The following FSIP1 variants were observed in gnomAD, a reference collection of about 807,000 sequenced individuals.
FSIP1 encodes the protein fibrous sheath-interacting protein 1.
FSIP1 carries 65 observed loss-of-function variants against 60.9 expected under a neutral mutation model. The observed-to-expected ratio is 1.07, with a 90% confidence interval of 0.87 to 1.31. The LOEUF (loss-of-function observed/expected upper bound fraction) is 1.31, where lower values mean the gene tolerates loss of function less well. FSIP1 is among the 40% of genes most tolerant of loss of function. FSIP1 has a pLI of 0.00. For synonymous variants in FSIP1, 209 were observed against 221.2 expected (o/e 0.94, Z 0.49); for missense variants, 675 against 665.5 (o/e 1.01, Z -0.16).
At chr15:39,668,714 G>T (rs1373431701) in intron 10 of FSIP1, among the ~76,000 whole-genome samples, 2 of 152,208 alleles carry the variant, frequency 1.3e-5, no homozygotes, top group Non-Finnish European at 2.9e-5. Context: ...GATCAGGTCA[G>T]TTGGAATCTA....
At chr15:39,712,602 T>C (rs906921139) in intron 10 of FSIP1, among the ~76,000 whole-genome samples, 3 of 152,224 alleles carry the variant, frequency 2.0e-5, no homozygotes, top group Non-Finnish European at 4.4e-5. Context: ...AAGGGGTTAC[T>C]GCAGGTAATT....
At chr15:39,638,097 C>T (rs1892209965) in intron 10 of FSIP1, among the ~76,000 whole-genome samples, 1 of 152,180 alleles carries the variant, frequency 6.6e-6, no homozygotes, top group Non-Finnish European at 1.5e-5. Context: ...TTTCTGCCCT[C>T]AATAAGGCTG....
At chr15:39,670,654 A>G (rs919693632) in intron 10 of FSIP1, among the ~76,000 whole-genome samples, 5 of 152,222 alleles carry the variant, frequency 3.3e-5, no homozygotes, top group African/African-American at 1.2e-4. Flanking sequence ...AGGCAGAAAC[A>G]GCTGCCAGGT....
chr15:39,634,774 G>A (rs188716488), intron 10 of FSIP1, among the ~76,000 whole-genome samples: 64 of 152,278 alleles, frequency 4.2e-4, no homozygotes, highest in Admixed American at 9.1e-4. Flanking sequence ...TCACTGTCAT[G>A]CGGACGCCAT....
intron 10 of FSIP1, among the ~76,000 whole-genome samples, chr15:39,691,911 G>C (rs1267571149): frequency 2.0e-5 from 3 of 152,154 alleles, no homozygotes; most frequent in Non-Finnish European, 4.4e-5. Flanking sequence ...GTGATAGATA[G>C]AGAATTTTAA....
chr15:39,646,668 C>A (rs1372520720), intron 10 of FSIP1, among the ~76,000 whole-genome samples: 1 of 149,326 alleles, frequency 6.7e-6, no homozygotes. Context: ...TGCATTCCAG[C>A]ATGGGATACA....
At chr15:39,638,517 G>A (rs1381687744) in intron 10 of FSIP1, among the ~76,000 whole-genome samples, 2 of 152,146 alleles carry the variant, frequency 1.3e-5, no homozygotes, top group South Asian at 2.1e-4. Flanking sequence ...AGAAACACAC[G>A]GCGATTTCTC....
intron 10 of FSIP1, among the ~76,000 whole-genome samples, chr15:39,658,377 G>A (rs2140448032): frequency 6.6e-6 from 1 of 151,394 alleles, no homozygotes; most frequent in African/African-American, 2.4e-5. Context: ...AGCCTCCTGA[G>A]TAGCTGGGAT....
intron 9 of FSIP1, among the ~76,000 whole-genome samples, chr15:39,723,899 G>A (rs1283742003): frequency 6.6e-6 from 1 of 152,198 alleles, no homozygotes; most frequent in Non-Finnish European, 1.5e-5. Context: ...TTCCTGCTTT[G>A]AAAATTCAAT....
chr15:39,710,410 A>G (rs980752011), intron 10 of FSIP1, among the ~76,000 whole-genome samples: 9 of 149,936 alleles, frequency 6.0e-5, no homozygotes, highest in African/African-American at 2.2e-4. Context: ...CTGCACTCCA[A>G]CTTGGGCGAC....
At chr15:39,697,417 T>C (rs527322349) in intron 10 of FSIP1, among the ~76,000 whole-genome samples, 2 of 152,300 alleles carry the variant, frequency 1.3e-5, no homozygotes, top group South Asian at 4.1e-4. Context: ...AAGAGTTAAA[T>C]ACCCTTCCAG....
intron 11 of FSIP1, among the ~76,000 whole-genome samples, chr15:39,604,783 C>A (rs1890763350): frequency 6.6e-6 from 1 of 152,142 alleles, no homozygotes; most frequent in Non-Finnish European, 1.5e-5. Context: ...CTGTTTGAGA[C>A]AAACAGAAAA....
At chr15:39,751,490 C>A (rs533374550) in intron 5 of FSIP1, among the ~76,000 whole-genome samples, 31 of 150,804 alleles carry the variant, frequency 2.1e-4, no homozygotes, top group African/African-American at 7.5e-4. Context: ...GGAGAACCTG[C>A]CTTTTGCCAC....
downstream of FSIP1, chr15:39,599,430 C>T (rs1890561846): frequency 6.6e-6 from 1 of 152,286 alleles, no homozygotes; most frequent in South Asian, 2.1e-4. Flanking sequence ...ACTATAAAGT[C>T]ATAAGCCCTT....
intron 10 of FSIP1, among the ~76,000 whole-genome samples, chr15:39,691,425 C>T (rs1276015875): frequency 6.6e-6 from 1 of 152,184 alleles, no homozygotes; most frequent in Non-Finnish European, 1.5e-5. Flanking sequence ...AGTGTGCCAG[C>T]AAGCACCATT....
chr15:39,759,710 G>C (rs1208748066), intron 5 of FSIP1, among the ~76,000 whole-genome samples: 1 of 152,144 alleles, frequency 6.6e-6, no homozygotes, highest in Non-Finnish European at 1.5e-5. Flanking sequence ...TCCCTCCAGA[G>C]GTTCTAGAGG....
Position 39,641,307 on chromosome 15 carries a change from C to T in FSIP1, c.1189-23062G>A, listed in dbSNP as rs545663950. 2.6e-5 allele frequency among the ~76,000 whole-genome samples: 4 copies of T among 152,230 alleles called. 1 individual carries two copies. In the Middle Eastern group the frequency reaches 0.014, roughly 518 times the overall value. ...CTCTACATCTGAGCTGTGGTGTCAG[C>T]ATATTACCCACCACTAGAGCACAAA... On this transcript the variant is annotated intron_variant, in intron 10 of 11. Transcript: ENST00000350221.
chr15:39,678,755 A>T (rs1894043378), intron 10 of FSIP1, among the ~76,000 whole-genome samples: 1 of 152,166 alleles, frequency 6.6e-6, no homozygotes, highest in Non-Finnish European at 1.5e-5. Flanking sequence ...GGCTCATCTG[A>T]TGAAAACATT....
chr15:39,610,610 G>A (rs1002074219), intron 11 of FSIP1, among the ~76,000 whole-genome samples: 6 of 152,188 alleles, frequency 3.9e-5, no homozygotes, highest in African/African-American at 1.4e-4. Flanking sequence ...AGGCTGCAGT[G>A]AGCCAGGATC....
Sources: allele counts gnomAD v4.1 joint callset (sites outside exome capture counted in the v4.1 genomes callset), GRCh38; gene constraint gnomAD v4.1.1; transcripts MANE v1.5; gene names NCBI Gene and HGNC (gene_info 2026-07-23, HGNC 2026-07-21).